Variants in TOP6BL observed in about 807,000 individuals in gnomAD.
TOP6BL encodes the protein type 2 DNA topoisomerase 6 subunit B-like.
chr11:66,750,442 G>T, the TOP6BL span, among the ~76,000 whole-genome samples: 1 of 152,014 alleles, frequency 6.6e-6, no homozygotes, highest in Non-Finnish European at 1.5e-5. Context: ...AGCTACTCGG[G>T]AGGCTGAGGC....
At chr11:66,842,447 T>C in the TOP6BL span, among the ~76,000 whole-genome samples, 5 of 152,230 alleles carry the variant, frequency 3.3e-5, no homozygotes, top group Admixed American at 1.3e-4. Context: ...GTAGGAAAGC[T>C]GCCTATGGGC....
chr11:66,764,378 G>A, the TOP6BL span, among the ~76,000 whole-genome samples: 1 of 151,806 alleles, frequency 6.6e-6, no homozygotes, highest in Non-Finnish European at 1.5e-5. Context: ...AATCGGCCGG[G>A]CGCGGTGGCT....
chr11:66,762,292 G>T, the TOP6BL span: 2 of 442,898 alleles, frequency 4.5e-6, no homozygotes, highest in Non-Finnish European at 8.1e-6. Context: ...GCGCACAGCC[G>T]GGGCGCCGGC....
At chr11:66,757,601 T>C in the TOP6BL span, among the ~76,000 whole-genome samples, 1 of 152,308 alleles carries the variant, frequency 6.6e-6, no homozygotes, top group South Asian at 2.1e-4. Flanking sequence ...AAATTTTTTT[T>C]TTGAGACAGA....
the TOP6BL span, among the ~76,000 whole-genome samples, chr11:66,826,588 A>G: frequency 1.3e-5 from 2 of 152,190 alleles, no homozygotes; most frequent in Non-Finnish European, 2.9e-5. Context: ...AAAGAACACT[A>G]TATTGGGAAT....
the TOP6BL span, among the ~76,000 whole-genome samples, chr11:66,774,100 A>AT: frequency 4.6e-5 from 7 of 152,046 alleles, no homozygotes; most frequent in Admixed American, 1.3e-4. Flanking sequence ...TCTGGAGTTT[A>AT]TTTTTGTTTT....
the TOP6BL span, chr11:66,762,261 A>C: frequency 1.9e-6 from 1 of 524,078 alleles, no homozygotes; most frequent in East Asian, 3.6e-5. Flanking sequence ...ACGCGCGCAA[A>C]CTGAGCAGCC....
the TOP6BL span, among the ~76,000 whole-genome samples, chr11:66,755,881 C>T: frequency 6.6e-6 from 1 of 152,148 alleles, no homozygotes; most frequent in South Asian, 2.1e-4. Flanking sequence ...CTTCACATGG[C>T]CTTCTTATAA....
the TOP6BL span, among the ~76,000 whole-genome samples, chr11:66,808,383 T>C: frequency 6.6e-6 from 1 of 152,082 alleles, no homozygotes; most frequent in Non-Finnish European, 1.5e-5. Context: ...ACAAGTTACC[T>C]GTGCATGTGT....
At chr11:66,804,095 G>C in the TOP6BL span, 1 of 1,613,964 alleles carries the variant, frequency 6.2e-7, no homozygotes, top group Non-Finnish European at 8.5e-7. Flanking sequence ...GGCTGGCATG[G>C]ACTTGTTGGG....
chr11:66,782,950 T>A, the TOP6BL span, among the ~76,000 whole-genome samples: 2 of 152,222 alleles, frequency 1.3e-5, no homozygotes, highest in Non-Finnish European at 1.5e-5. Context: ...TGTAAACTCA[T>A]GTTTAAATGG....
chr11:66,842,900 T>G, the TOP6BL span: 2 of 1,573,930 alleles, frequency 1.3e-6, no homozygotes, highest in South Asian at 1.2e-5. Context: ...AGCCCCCGCA[T>G]AGAGGAGATG....
chr11:66,843,225 T>C, the TOP6BL span: 1 of 1,609,918 alleles, frequency 6.2e-7, no homozygotes, highest in Non-Finnish European at 8.5e-7. Context: ...GTCCCAGCCC[T>C]GGGCCCTGAG....
chr11:66,786,119 CA>C, the TOP6BL span, among the ~76,000 whole-genome samples: 5 of 152,018 alleles, frequency 3.3e-5, no homozygotes, highest in African/African-American at 9.7e-5. Flanking sequence ...GCCAACATGG[CA>C]AAACCTGTCT....
the TOP6BL span, among the ~76,000 whole-genome samples, chr11:66,830,556 A>G: frequency 6.6e-6 from 1 of 152,166 alleles, no homozygotes; most frequent in African/African-American, 2.4e-5. Flanking sequence ...GAAATCAGTA[A>G]CATAGAAACC....
the TOP6BL span, among the ~76,000 whole-genome samples, chr11:66,810,897 A>AG: frequency 0.42 from 63,431 of 151,934 alleles, 14,495 homozygotes; most frequent in African/African-American, 0.61. Flanking sequence ...CTCTCCCTTC[A>AG]GGCTCCAATT....
At chr11:66,748,001 A>G in the TOP6BL span, among the ~76,000 whole-genome samples, 17 of 152,272 alleles carry the variant, frequency 1.1e-4, no homozygotes, top group South Asian at 2.5e-3. Context: ...ACCAGATGCC[A>G]CTCTTATTCA....
the TOP6BL span, among the ~76,000 whole-genome samples, chr11:66,745,204 C>T: frequency 6.6e-6 from 1 of 151,908 alleles, no homozygotes; most frequent in African/African-American, 2.4e-5. Flanking sequence ...GAGCCTGACG[C>T]AGCCTCGGAG....
the TOP6BL span, among the ~76,000 whole-genome samples, chr11:66,835,183 G>A: frequency 1.3e-5 from 2 of 151,860 alleles, no homozygotes; most frequent in African/African-American, 4.8e-5. Context: ...CTCAATGCGG[G>A]TAGTTCCTTG....
Sources: gnomAD v4.1 joint callset for allele counts (sites outside exome capture counted in the v4.1 genomes callset) on GRCh38, gnomAD v4.1.1 for gene constraint, MANE v1.5 for transcripts, NCBI Gene and HGNC (gene_info 2026-07-23, HGNC 2026-07-21) for gene names.